Variants in TFR2 observed in about 807,000 individuals in gnomAD.
TFR2 encodes transferrin receptor protein 2.
Under a neutral mutation model 91.9 loss-of-function variants are expected in TFR2, and 64 were observed. The ratio of observed to expected loss-of-function variants is 0.70; its 90% CI spans 0.57 to 0.86. The LOEUF is 0.86. Ranked by LOEUF, TFR2 falls within the 40% of genes least tolerant of loss-of-function variation. TFR2 has a pLI of 0.00. For missense variants in TFR2, 950 were observed against 1,080.5 expected, an observed-to-expected ratio of 0.88 and a Z score of 1.69; for synonymous variants, 454 against 459.6, an observed-to-expected ratio of 0.99 and a Z score of 0.15.
At chr7:100,632,738 CTTTTTTTTTTTT>C (rs35046097) in intron 6 of TFR2, 2 of 184,820 alleles carry the variant, frequency 1.1e-5, no homozygotes, top group Non-Finnish European at 1.9e-5. Flanking sequence ...AAAAAAGAAC[CTTTTTTTTTTTT>C]TTTTTTTTTA....
intron 16 of TFR2, 125 bp from the exon 17 acceptor site, chr7:100,627,028 G>A (rs994329080): frequency 1.7e-4 from 239 of 1,416,120 alleles, no homozygotes; most frequent in Admixed American, 1.4e-4. Context: ...GAGGGAGGAG[G>A]TAGACGAGGA....
In TFR2 at chr7:100,633,106, G is replaced by A. The variant is rs1160583358; in HGVS notation, c.744C>T (p.Ala248=). The A allele has an allele frequency of 1.2e-6, 2 of 1,613,470 alleles. No individual in the cohort carries two copies. Among genetic ancestry groups the A allele is most frequent in the Non-Finnish European group, 1.7e-6 (2 of 1,179,904 alleles). ...GCAGGTCTTCGGGCCGCCCGTAGTG[G>A]GCGTACACCAGCTCTCCCTGGGGAC... The part of the protein sequence containing the change: ...IGNVTGELVY[A]HYGRPEDLQD... Residue 248 remains alanine (A), a synonymous_variant, in exon 6 of 18, where the codon GCC becomes GCT. Transcript: ENST00000223051.
rs1401590457 is a variant in TFR2, at chr7:100,633,356, G to A, written c.615-16C>T. On this transcript the variant is annotated splice_polypyrimidine_tract_variant and intron_variant, in intron 4 of 17. Transcript: ENST00000223051. Reference sequence around the variant, plus strand: ...GGGGTGAGCCCTGGGGAGCGGGGCTGGTGAGCGCCCCGAGCCGCGTCCCCC... The same window carrying A: ...GGGGTGAGCCCTGGGGAGCGGGGCTAGTGAGCGCCCCGAGCCGCGTCCCCC... 1.9e-6 allele frequency: 3 copies of A among 1,610,116 alleles called. No individual in the cohort carries two copies. Among genetic ancestry groups the A allele is most frequent in the Admixed American group, 3.3e-5 (2 of 59,862 alleles).
chr7:100,629,151 C>G (rs1803355884), intron 10 of TFR2, 102 bp downstream of exon 10: 2 of 1,480,370 alleles, frequency 1.4e-6, no homozygotes, highest in East Asian at 2.3e-5. Context: ...TCCAAGTGAC[C>G]ACTGGCCAGT....
At chr7:100,624,723 G>A (rs747188320) in intron 17 of TFR2, among the ~76,000 whole-genome samples, 2 of 151,948 alleles carry the variant, frequency 1.3e-5, no homozygotes, top group African/African-American at 2.4e-5. Context: ...AAAAATTAGC[G>A]GAGTGTGGTA....
Position 100,630,834 on chromosome 7 carries a change from C to T in TFR2, c.1270+55G>A, listed in dbSNP as rs1454614973. ...CCCCTATCTTGCCAGGGTGTATGGG[C>T]AGAAATTCCCCCAGCCCACCACCAG... On this transcript the variant is annotated intron_variant, in intron 9 of 17. Transcript: ENST00000223051. The T allele has an allele frequency of 2.5e-6, 4 of 1,609,720 alleles. No individual in the cohort carries two copies. In the African/African-American group the frequency reaches 5.3e-5, roughly 22 times the overall value.
At chr7:100,629,439 T>G (rs1262354528) in intron 9 of TFR2, 67 bp from the exon 10 acceptor site, 39 of 1,606,252 alleles carry the variant, frequency 2.4e-5, no homozygotes, top group Non-Finnish European at 3.2e-5. Context: ...ATCCTCCATC[T>G]GCCTGTGTCT....
At chr7:100,624,566 TA>T (rs771737075) in intron 17 of TFR2, among the ~76,000 whole-genome samples, 11 of 152,172 alleles carry the variant, frequency 7.2e-5, no homozygotes, top group Non-Finnish European at 1.2e-4. Context: ...GCTGTTTCAA[TA>T]AAACTTTATT....
At chr7:100,629,187 C>G in intron 10 of TFR2, 66 bp downstream of exon 10, 2 of 1,601,832 alleles carry the variant, frequency 1.2e-6, no homozygotes. Flanking sequence ...CCTCTCTGCC[C>G]TATCCTCCTC....
chr7:100,628,057 C>T lies in TFR2; in HGVS notation c.1537+16G>A, dbSNP rs1391747836. ...TGGACCCCAGGGGGCCAGGTGGTGG[C>T]ACTGCCCCAGCTCACCCAGCACTGC... On this transcript the variant is annotated intron_variant, in intron 12 of 17. Coordinates refer to ENST00000223051, the MANE Select transcript of TFR2 (RefSeq NM_003227.4). 2 of 1,614,106 alleles carry T rather than the reference C, an allele frequency of 1.2e-6. No homozygotes were observed. The highest frequency in any genetic ancestry group is 3.3e-5 in the Admixed American group (2 of 60,024).
At chr7:100,631,092 G>A (rs761688011) in intron 8 of TFR2, 40 bp from the exon 9 acceptor site, 2 of 1,489,716 alleles carry the variant, frequency 1.3e-6, no homozygotes, top group Middle Eastern at 4.0e-4. Flanking sequence ...GTTGTAGAGA[G>A]ACCCAGAAGA....
At chr7:100,631,142 C>A (rs897564727) in intron 8 of TFR2, 90 bp from the exon 9 acceptor site, 3 of 1,382,374 alleles carry the variant, frequency 2.2e-6, no homozygotes, top group East Asian at 2.5e-5. Context: ...CCCTCCCACC[C>A]TTTCTGGCTC....
At chr7:100,626,141 G>A (rs555470448) in intron 17 of TFR2, among the ~76,000 whole-genome samples, 1 of 152,260 alleles carries the variant, frequency 6.6e-6, no homozygotes, top group East Asian at 1.9e-4. Context: ...ACATCAAAGG[G>A]TTGAGGGGTT....
chr7:100,640,419 C>A, intron 3 of TFR2: 1 of 535,620 alleles, frequency 1.9e-6, no homozygotes. Context: ...CAGTCTGATA[C>A]TGGATGCTGC....
At chr7:100,630,747 A>G in intron 9 of TFR2, 142 bp downstream of exon 9, 1 of 1,195,110 alleles carries the variant, frequency 8.4e-7, no homozygotes, top group Non-Finnish European at 1.2e-6. Context: ...TTCAGCCTCA[A>G]CTTGCCAGCT....
In TFR2 at chr7:100,640,672, A is replaced by T. The variant is rs1434947775; in HGVS notation, c.473+14T>A. On this transcript the variant is annotated intron_variant, in intron 3 of 17. Coordinates refer to ENST00000223051, the MANE Select transcript of TFR2 (RefSeq NM_003227.4). ...GGGACACTCGAGAACAGGATGGGGC[A>T]GGGCCATCCCTACCTGATGGTGTCC... 1.9e-6 allele frequency: 3 copies of T among 1,610,848 alleles called. No homozygotes were observed. Among genetic ancestry groups the T allele is most frequent in the Admixed American group, 1.7e-5 (1 of 59,962 alleles).
intron 3 of TFR2, among the ~76,000 whole-genome samples, chr7:100,634,988 G>T (rs1264708308): frequency 3.3e-5 from 5 of 151,758 alleles, no homozygotes; most frequent in Admixed American, 3.3e-4. Flanking sequence ...GCCCAGGCTG[G>T]TGTGTAGTCG....
chr7:100,624,679 AAT>A (rs1329952355), intron 17 of TFR2, among the ~76,000 whole-genome samples: 3 of 152,148 alleles, frequency 2.0e-5, no homozygotes, highest in Non-Finnish European at 4.4e-5. Flanking sequence ...AAGCCTGGAC[AAT>A]ATAGTGAGAT....
rs746499516 is a variant in TFR2 at position 100,627,588 on chromosome 7, A to G, written c.1756T>C (p.Ser586Pro). Residue 586 changes from serine (S) to proline (P), a missense_variant, in exon 15 of 18, where the codon TCC becomes CCC. Coordinates refer to ENST00000223051, the MANE Select transcript of TFR2 (RefSeq NM_003227.4). ...AFVGVPAVEFSFMEDDQAYPF... is the reference protein window; with the variant it reads ...AFVGVPAVEFPFMEDDQAYPF... ...GGAGGACGTCTCACCTCCATAAAGG[A>G]GAACTCGACGGCAGGGACTCCCACA... 6.2e-7 allele frequency: 1 copy of G among 1,614,138 alleles called. No individual in the cohort carries two copies. The highest frequency in any genetic ancestry group is 8.5e-7 in the Non-Finnish European group (1 of 1,180,008).
Sources: gnomAD v4.1 joint callset for allele counts (sites outside exome capture counted in the v4.1 genomes callset) on GRCh38, gnomAD v4.1.1 for gene constraint, MANE v1.5 for transcripts, NCBI Gene and HGNC (gene_info 2026-07-23, HGNC 2026-07-21) for gene names.